CSMD1: variants seen among roughly 807,000 people sequenced by gnomAD.
CSMD1 encodes CUB and Sushi multiple domains 1.
CSMD1 carries 213 observed loss-of-function variants against 417.5 expected under a neutral mutation model. That is an observed-to-expected ratio of 0.51 (90% CI 0.46 to 0.57). The LOEUF (loss-of-function observed/expected upper bound fraction) is 0.57. Ranked by LOEUF, CSMD1 falls within the 20% of genes least tolerant of loss-of-function variation. The pLI, the probability that CSMD1 is intolerant of heterozygous loss-of-function variation, is 0.00. For synonymous variants in CSMD1, 2,862 were observed against 1,736.8 expected, an observed-to-expected ratio of 1.65 and a Z score of -16.11; for missense variants, 6,923 against 4,529.7, an observed-to-expected ratio of 1.53 and a Z score of -15.17.
At chr8:4,195,277 C>A (rs1357044264) in intron 3 of CSMD1, among the ~76,000 whole-genome samples, 1 of 152,012 alleles carries the variant, frequency 6.6e-6, no homozygotes, top group South Asian at 2.1e-4. Context: ...GCTCTTTCAC[C>A]CAGGCAGTTC....
chr8:4,608,445 G>A (rs1037450814), intron 2 of CSMD1, among the ~76,000 whole-genome samples: 1 of 152,210 alleles, frequency 6.6e-6, no homozygotes, highest in Non-Finnish European at 1.5e-5. Flanking sequence ...TGATTTGCCA[G>A]TGGATTGAAC....
intron 3 of CSMD1, among the ~76,000 whole-genome samples, chr8:4,299,278 A>C (rs1797853642): frequency 6.6e-6 from 1 of 152,172 alleles, no homozygotes; most frequent in Non-Finnish European, 1.5e-5. Context: ...GGATAAGATA[A>C]AGTTTTTCTT....
At chr8:4,573,615 G>C (rs754490741) in intron 2 of CSMD1, among the ~76,000 whole-genome samples, 3 of 152,112 alleles carry the variant, frequency 2.0e-5, no homozygotes, top group Non-Finnish European at 4.4e-5. Context: ...TCCCACTTGA[G>C]GGGGCGGTCT....
intron 5 of CSMD1, among the ~76,000 whole-genome samples, chr8:3,925,663 T>A (rs1809602625): frequency 6.6e-6 from 1 of 152,000 alleles, no homozygotes; most frequent in South Asian, 2.1e-4. Context: ...GTTTCCACTT[T>A]TGCCTCCTCC....
chr8:3,724,489 C>A (rs571032610), intron 6 of CSMD1, among the ~76,000 whole-genome samples: 1 of 151,996 alleles, frequency 6.6e-6, no homozygotes, highest in Non-Finnish European at 1.5e-5. Flanking sequence ...AGCTATATAA[C>A]CTTTAAAAAA....
At chr8:3,889,510 T>A (rs1806807321) in intron 5 of CSMD1, among the ~76,000 whole-genome samples, 1 of 126,660 alleles carries the variant, frequency 7.9e-6, no homozygotes, top group African/African-American at 2.9e-5. Context: ...GCTCATTAGG[T>A]CATGATATAT....
chr8:4,444,131 C>T (rs1432818169), intron 2 of CSMD1, among the ~76,000 whole-genome samples: 1 of 151,824 alleles, frequency 6.6e-6, no homozygotes, highest in Admixed American at 6.6e-5. Flanking sequence ...CACTTCAGGT[C>T]AGAAATTTGA....
chr8:4,383,806 T>C (rs1474600170), intron 3 of CSMD1, among the ~76,000 whole-genome samples: 1 of 152,100 alleles, frequency 6.6e-6, no homozygotes, highest in Non-Finnish European at 1.5e-5. Context: ...ACATATATAA[T>C]ACCAAATTAT....
chr8:4,264,002 A>T (rs1027791247), intron 3 of CSMD1, among the ~76,000 whole-genome samples: 1 of 152,150 alleles, frequency 6.6e-6, no homozygotes, highest in Admixed American at 6.6e-5. Flanking sequence ...CTTAGAAGTA[A>T]ATCAGATCGT....
chr8:3,525,936 T>A (rs1164294233), intron 10 of CSMD1, among the ~76,000 whole-genome samples: 1 of 152,180 alleles, frequency 6.6e-6, no homozygotes, highest in African/African-American at 2.4e-5. Flanking sequence ...ATTACATGCA[T>A]TGTTCTTAAG....
At chr8:4,003,465 C>G (rs566902370) in intron 4 of CSMD1, among the ~76,000 whole-genome samples, 136 of 151,810 alleles carry the variant, frequency 9.0e-4, no homozygotes, top group Non-Finnish European at 1.2e-3. Context: ...AAGACACAAA[C>G]AGATACATGG....
At chr8:3,289,366 G>A (rs1031037546) in intron 25 of CSMD1, among the ~76,000 whole-genome samples, 6 of 147,208 alleles carry the variant, frequency 4.1e-5, no homozygotes, top group Admixed American at 1.3e-4. Flanking sequence ...TGGGTCAAAT[G>A]GTATTTCTAG....
intron 54 of CSMD1, among the ~76,000 whole-genome samples, chr8:2,984,629 G>C (rs917249862): frequency 6.6e-6 from 1 of 152,216 alleles, no homozygotes; most frequent in Admixed American, 6.5e-5. Flanking sequence ...TTACAGGCAT[G>C]AGCCACCGCG....
chr8:3,151,861 C>T lies in CSMD1; in HGVS notation c.5915-348G>A, dbSNP rs534422296. ...CTACTCATTGAGAGGTAGTATTACT[C>T]CCTATTGATTGATTGCTAACTATGT... On this transcript the variant is annotated intron_variant, in intron 39 of 69. Transcript: ENST00000635120. 2.0e-5 allele frequency among the ~76,000 whole-genome samples: 3 copies of T among 152,156 alleles called. 1 individual carries two copies. The highest frequency in any genetic ancestry group is 4.4e-5 in the Non-Finnish European group (3 of 68,038).
In CSMD1 at chr8:3,085,537, A is replaced by G. The variant is rs183735668; in HGVS notation, c.7474+1560T>C. ...CTGCCATGTTCCACACAAAGAAGAGATACCCTGATCATGTTCCCACAGATT... is the reference window on the plus strand; with the variant it reads ...CTGCCATGTTCCACACAAAGAAGAGGTACCCTGATCATGTTCCCACAGATT... On this transcript the variant is annotated intron_variant, in intron 49 of 69. Coordinates refer to ENST00000635120, the MANE Select transcript of CSMD1 (RefSeq NM_033225.6). 9.2e-5 allele frequency among the ~76,000 whole-genome samples: 14 copies of G among 152,342 alleles called. No individual in the cohort carries two copies. In the East Asian group the frequency reaches 1.3e-3, roughly 15 times the overall value.
chr8:3,464,548 T>C (rs1333837152), intron 12 of CSMD1, among the ~76,000 whole-genome samples: 1 of 150,604 alleles, frequency 6.6e-6, no homozygotes, highest in Non-Finnish European at 1.5e-5. Flanking sequence ...ACTATTTATA[T>C]GGATTCTATC....
intron 5 of CSMD1, among the ~76,000 whole-genome samples, chr8:3,924,023 G>A (rs1256475892): frequency 2.0e-5 from 3 of 152,088 alleles, no homozygotes; most frequent in African/African-American, 7.2e-5. Context: ...CTGCTAATAA[G>A]TGTCCTTTCA....
intron 1 of CSMD1, among the ~76,000 whole-genome samples, chr8:4,923,336 C>G (rs1161734802): frequency 6.6e-6 from 1 of 152,058 alleles, no homozygotes; most frequent in African/African-American, 2.4e-5. Context: ...GGAGCATGAA[C>G]AGTTAACTTC....
intron 3 of CSMD1, among the ~76,000 whole-genome samples, chr8:4,251,150 G>T (rs1469519067): frequency 1.3e-5 from 2 of 151,834 alleles, no homozygotes; most frequent in Admixed American, 1.3e-4. Context: ...AAAGTATAAA[G>T]GTATACAAGG....
Sources: gnomAD v4.1 joint callset for allele counts (sites outside exome capture counted in the v4.1 genomes callset) on GRCh38, gnomAD v4.1.1 for gene constraint, MANE v1.5 for transcripts, NCBI Gene and HGNC (gene_info 2026-07-23, HGNC 2026-07-21) for gene names.